The following PLCB1 variants were observed in gnomAD, a reference collection of about 807,000 sequenced individuals.
PLCB1 encodes the protein 1-phosphatidylinositol 4,5-bisphosphate phosphodiesterase beta-1.
PLCB1 carries 46 observed loss-of-function variants against 161.8 expected under a neutral mutation model. The observed-to-expected ratio is 0.28, with a 90% CI of 0.22 to 0.36. PLCB1 has a LOEUF of 0.36. Ranked by LOEUF, PLCB1 falls within the 10% of genes least tolerant of loss-of-function variation. The pLI is 1.00. For synonymous variants in PLCB1, 517 were observed against 503.7 expected, an observed-to-expected ratio of 1.03 and a Z score of -0.35; for missense variants, 1,016 against 1,472.5, an observed-to-expected ratio of 0.69 and a Z score of 5.07.
intron 2 of PLCB1, among the ~76,000 whole-genome samples, chr20:8,295,179 G>T (rs189376105): frequency 3.6e-4 from 55 of 152,196 alleles, no homozygotes; most frequent in African/African-American, 9.9e-4. Flanking sequence ...TAGACAAAAC[G>T]ATGTGATACA....
intron 27 of PLCB1, among the ~76,000 whole-genome samples, chr20:8,784,232 G>A (rs778084469): frequency 8.6e-5 from 13 of 152,018 alleles, no homozygotes; most frequent in Non-Finnish European, 1.8e-4. Context: ...AGTAAATGCC[G>A]TGTGGGCAGA....
intron 3 of PLCB1, among the ~76,000 whole-genome samples, chr20:8,469,741 C>G (rs1330407307): frequency 6.6e-6 from 1 of 152,134 alleles, no homozygotes; most frequent in African/African-American, 2.4e-5. Context: ...TAACAAGTAA[C>G]CAGTCACCTA....
intron 2 of PLCB1, among the ~76,000 whole-genome samples, chr20:8,236,300 G>A (rs1379050583): frequency 5.3e-5 from 8 of 152,056 alleles, no homozygotes; most frequent in Non-Finnish European, 8.8e-5. Context: ...GGAGGCTGAG[G>A]CAAGAGGATG....
chr20:8,390,322 C>T (rs570880706), intron 3 of PLCB1, among the ~76,000 whole-genome samples: 1 of 152,288 alleles, frequency 6.6e-6, no homozygotes, highest in South Asian at 2.1e-4. Context: ...TCCTAATTTC[C>T]TCTTCTAATA....
chr20:8,819,992 C>T (rs1985259365), intron 31 of PLCB1, among the ~76,000 whole-genome samples: 1 of 148,992 alleles, frequency 6.7e-6, no homozygotes, highest in Non-Finnish European at 1.5e-5. Context: ...ATAGTAAAAC[C>T]TATTCATCCT....
At chr20:8,163,540 C>T in intron 2 of PLCB1, among the ~76,000 whole-genome samples, 1 of 152,216 alleles carries the variant, frequency 6.6e-6, no homozygotes, top group East Asian at 1.9e-4. Flanking sequence ...AGTGTGCAAA[C>T]TGGAGCCTGC....
At chr20:8,446,884 G>A (rs1356140422) in intron 3 of PLCB1, among the ~76,000 whole-genome samples, 1 of 151,936 alleles carries the variant, frequency 6.6e-6, no homozygotes, top group Non-Finnish European at 1.5e-5. Context: ...AGTCATCATG[G>A]AAGATGTTAT....
At chr20:8,711,223 A>C (rs1978997092) in intron 12 of PLCB1, among the ~76,000 whole-genome samples, 1 of 152,200 alleles carries the variant, frequency 6.6e-6, no homozygotes, top group African/African-American at 2.4e-5. Flanking sequence ...CCTACGCCTA[A>C]ACAGAAGCAT....
intron 3 of PLCB1, among the ~76,000 whole-genome samples, chr20:8,501,967 TG>T (rs1414166057): frequency 2.0e-5 from 3 of 147,522 alleles, no homozygotes; most frequent in Non-Finnish European, 3.0e-5. Context: ...TCTCCAAAGT[TG>T]ATATTGTTTT....
At chr20:8,663,338 G>A (rs1015295566) in intron 9 of PLCB1, among the ~76,000 whole-genome samples, 2 of 151,930 alleles carry the variant, frequency 1.3e-5, no homozygotes, top group Non-Finnish European at 2.9e-5. Flanking sequence ...GACATATGCT[G>A]TTTAGCTTTT....
chr20:8,786,497 A>G (rs762957040), intron 27 of PLCB1, among the ~76,000 whole-genome samples: 3 of 152,148 alleles, frequency 2.0e-5, no homozygotes, highest in Non-Finnish European at 4.4e-5. Context: ...TGGATTCCGT[A>G]TCGTAATTCT....
Position 8,273,565 on chromosome 20 carries a change from C to T in PLCB1, c.178-97817C>T, listed in dbSNP as rs1255658876. Among the ~76,000 whole-genome samples, 5 of 152,178 alleles carry T rather than the reference C, an allele frequency of 3.3e-5. No individual in the cohort carries two copies. The South Asian group carries it at 1.0e-3, about 32-fold the overall frequency. ...GCTTTGCCACTTCAAAGCATCCAGC[C>T]CGAGAAATTTCATAAGCAGGAAACC... On this transcript the variant is annotated intron_variant, in intron 2 of 31. Transcript: ENST00000338037.
intron 2 of PLCB1, among the ~76,000 whole-genome samples, chr20:8,310,249 C>T (rs1329501721): frequency 6.6e-6 from 1 of 152,046 alleles, no homozygotes; most frequent in African/African-American, 2.4e-5. Flanking sequence ...TTATCGAAAT[C>T]AGCTTTCTAA....
intron 7 of PLCB1, among the ~76,000 whole-genome samples, chr20:8,655,969 T>A (rs1989446800): frequency 6.6e-6 from 1 of 151,966 alleles, no homozygotes; most frequent in African/African-American, 2.4e-5. Flanking sequence ...AAGAGGACTT[T>A]TGGAAACCTG....
intron 31 of PLCB1, among the ~76,000 whole-genome samples, chr20:8,873,904 A>G (rs1241073019): frequency 1.3e-5 from 2 of 151,982 alleles, no homozygotes; most frequent in Non-Finnish European, 2.9e-5. Context: ...GTAAATTCCA[A>G]AATATTCTGA....
chr20:8,629,963 C>CTTCTTTCTTTCTTTCTTTCT (rs201039269), intron 4 of PLCB1, among the ~76,000 whole-genome samples: 32 of 111,068 alleles, frequency 2.9e-4, no homozygotes, highest in Admixed American at 1.8e-3. Flanking sequence ...TTCTTTCTTT[C>CTTCTTTCTTTCTTTCTTTCT]TTCTTTCTTT....
intron 2 of PLCB1, among the ~76,000 whole-genome samples, chr20:8,272,693 A>G (rs746828375): frequency 2.0e-5 from 3 of 152,168 alleles, no homozygotes; most frequent in Non-Finnish European, 2.9e-5. Context: ...TGGAAATGCT[A>G]AGGAAATGTC....
intron 2 of PLCB1, among the ~76,000 whole-genome samples, chr20:8,252,347 G>T (rs569455124): frequency 6.6e-6 from 1 of 151,996 alleles, no homozygotes; most frequent in African/African-American, 2.4e-5. Flanking sequence ...GACTTCCCTT[G>T]TGAAAACTAT....
intron 2 of PLCB1, among the ~76,000 whole-genome samples, chr20:8,166,104 A>G (rs530924064): frequency 7.9e-5 from 12 of 152,182 alleles, no homozygotes; most frequent in Non-Finnish European, 1.5e-4. Context: ...AGAAAACCCT[A>G]TATCCCCTCT....
Sources: allele counts gnomAD v4.1 joint callset (sites outside exome capture counted in the v4.1 genomes callset), GRCh38; gene constraint gnomAD v4.1.1; transcripts MANE v1.5; gene names NCBI Gene and HGNC (gene_info 2026-07-23, HGNC 2026-07-21).